The following PTPRO variants were observed in gnomAD, a reference collection of about 807,000 sequenced individuals.
PTPRO encodes the protein protein tyrosine phosphatase receptor type O.
In PTPRO, 62 loss-of-function variants were observed where a neutral mutation model predicts 145.2. That is an observed-to-expected ratio of 0.43 (90% CI 0.35 to 0.53). The LOEUF (loss-of-function observed/expected upper bound fraction) is 0.53. Ranked by LOEUF, PTPRO falls within the 20% of genes least tolerant of loss-of-function variation. PTPRO has a pLI of 0.01. For synonymous variants in PTPRO, 565 were observed against 514.7 expected (o/e 1.10, Z -1.32); for missense variants, 1,345 against 1,482.7 (o/e 0.91, Z 1.53).
intron 1 of PTPRO, among the ~76,000 whole-genome samples, chr12:15,323,502 T>C (rs1440482442): frequency 6.6e-6 from 1 of 152,214 alleles, no homozygotes; most frequent in Non-Finnish European, 1.5e-5. Context: ...AGGTTTTACT[T>C]TGAGAAAAAT....
In PTPRO at chr12:15,482,862, T is replaced by C. The variant is rs253845; in HGVS notation, c.76-1112T>C. Among the ~76,000 whole-genome samples, 283 of 152,210 alleles carry C rather than the reference T, an allele frequency of 1.9e-3. 1 individual carries two copies. The highest frequency in any genetic ancestry group is 6.5e-3 in the African/African-American group (270 of 41,542). The stretch of plus-strand genomic sequence containing the variant: ...GAAGACAAATGAACATGTGGAACAA[T>C]AATGAGACTGATTTTTTGTACTGGT... On this transcript the variant is annotated intron_variant, in intron 1 of 26. Coordinates refer to ENST00000281171, the MANE Select transcript of PTPRO (RefSeq NM_030667.3).
intron 11 of PTPRO, 138 bp from the exon 12 acceptor site, chr12:15,526,004 G>A (rs926002302): frequency 4.5e-5 from 51 of 1,125,452 alleles, no homozygotes; most frequent in Admixed American, 1.0e-4. Flanking sequence ...AAGATATAAC[G>A]TATCTATAAT....
In PTPRO at chr12:15,465,466, G is replaced by T. The variant is rs560224213; in HGVS notation, c.76-18508G>T. On this transcript the variant is annotated intron_variant, in intron 1 of 26. Transcript: ENST00000281171. ...GGGACAGAAGAATTTTAGTAAAGGA[G>T]AAGAGACATTTAAAATTACTTCTAC... is the stretch of plus-strand genomic sequence containing the variant. 2.6e-5 allele frequency among the ~76,000 whole-genome samples: 4 copies of T among 152,318 alleles called. No individual in the cohort carries two copies. The East Asian group carries it at 7.7e-4, about 29-fold the overall frequency.
chr12:15,538,202 CAACTGCCCAGAGGCA>C (rs1943104958), intron 12 of PTPRO, among the ~76,000 whole-genome samples: 1 of 151,096 alleles, frequency 6.6e-6, no homozygotes, highest in South Asian at 2.1e-4. Context: ...CATGGTTTGT[CAACTGCCCAGAGGCA>C]TACCAAACCA....
At chr12:15,487,331 T>C (rs1262073775) in intron 2 of PTPRO, among the ~76,000 whole-genome samples, 1 of 152,134 alleles carries the variant, frequency 6.6e-6, no homozygotes, top group Non-Finnish European at 1.5e-5. Flanking sequence ...TACTCTACTT[T>C]GTATTAGTGC....
chr12:15,349,260 A>G (rs534632019), intron 1 of PTPRO, among the ~76,000 whole-genome samples: 2 of 152,314 alleles, frequency 1.3e-5, no homozygotes, highest in South Asian at 4.1e-4. Context: ...TAGTTTTCCA[A>G]TTGGCTAGAT....
chr12:15,371,394 G>T (rs1938526669), intron 1 of PTPRO, among the ~76,000 whole-genome samples: 1 of 152,052 alleles, frequency 6.6e-6, no homozygotes, highest in Non-Finnish European at 1.5e-5. Context: ...ACCACGCCAG[G>T]CTAATATTTT....
At chr12:15,583,720 A>C (rs1377225869) in intron 23 of PTPRO, among the ~76,000 whole-genome samples, 1 of 152,146 alleles carries the variant, frequency 6.6e-6, no homozygotes. Context: ...CTCTTTGCAG[A>C]AAATGTTTGC....
At chr12:15,528,171 G>A (rs2136532282) in intron 12 of PTPRO, among the ~76,000 whole-genome samples, 1 of 151,756 alleles carries the variant, frequency 6.6e-6, no homozygotes, top group African/African-American at 2.4e-5. Flanking sequence ...CACCATTGGA[G>A]GAGAAAAAAG....
intron 1 of PTPRO, among the ~76,000 whole-genome samples, chr12:15,392,578 G>A (rs188323119): frequency 2.0e-4 from 31 of 151,962 alleles, no homozygotes; most frequent in Admixed American, 1.4e-3. Context: ...AAAATTAGCC[G>A]GGCATAGTGG....
intron 25 of PTPRO, among the ~76,000 whole-genome samples, chr12:15,594,620 T>C (rs1200362493): frequency 6.6e-6 from 1 of 152,008 alleles, no homozygotes; most frequent in Admixed American, 6.6e-5. Flanking sequence ...GTGGTAATCA[T>C]TTCATAACAT....
chr12:15,504,164 C>A, intron 6 of PTPRO, 95 bp downstream of exon 6: 3 of 1,350,310 alleles, frequency 2.2e-6, no homozygotes. Context: ...ATTCACAAAC[C>A]TTAGGGATGA....
At chr12:15,456,850 A>G (rs166201) in intron 1 of PTPRO, among the ~76,000 whole-genome samples, 138,547 of 152,120 alleles carry the variant, frequency 0.91, 64,278 homozygotes, top group East Asian at 1. Flanking sequence ...TCTTTTTTCC[A>G]CAGTTATACT....
rs1591791820 is a variant in PTPRO, at chr12:15,415,528, GCACC to G, written c.76-68445_76-68442del. On this transcript the variant is annotated intron_variant, in intron 1 of 26. Coordinates refer to ENST00000281171, the MANE Select transcript of PTPRO (RefSeq NM_030667.3). ...GCCTCCCGAGTAGCTGGGACTACAGGCACCTGCCACCACACCCGGCTAATTTTTT... is the reference window on the plus strand; with the variant it reads ...GCCTCCCGAGTAGCTGGGACTACAGGTGCCACCACACCCGGCTAATTTTTT... Among the ~76,000 whole-genome samples the G allele has an allele frequency of 9.9e-5, 15 of 152,010 alleles. 1 individual carries two copies. In the East Asian group the frequency reaches 2.5e-3, roughly 26 times the overall value.
At chr12:15,536,786 AT>A (rs1440198979) in intron 12 of PTPRO, among the ~76,000 whole-genome samples, 3 of 152,162 alleles carry the variant, frequency 2.0e-5, no homozygotes, top group Non-Finnish European at 4.4e-5. Context: ...CCTCTTTAGG[AT>A]TTGGGGCAAG....
intron 1 of PTPRO, among the ~76,000 whole-genome samples, chr12:15,424,576 G>A (rs1003791572): frequency 1.3e-5 from 2 of 151,976 alleles, no homozygotes; most frequent in African/African-American, 4.8e-5. Context: ...ATGATTAAAC[G>A]AATCAGGAGA....
chr12:15,440,167 G>A, intron 1 of PTPRO: 1 of 683,946 alleles, frequency 1.5e-6, no homozygotes, highest in Non-Finnish European at 2.6e-6. Context: ...AGCTGCTCAT[G>A]ATGGCTGGTA....
At chr12:15,588,140 T>A (rs1406162279) in intron 24 of PTPRO, among the ~76,000 whole-genome samples, 2 of 152,224 alleles carry the variant, frequency 1.3e-5, no homozygotes, top group Middle Eastern at 3.2e-3. Context: ...GCTCTTCAAC[T>A]CTGGGGTCAA....
chr12:15,513,860 G>A (rs1380266599), intron 7 of PTPRO, among the ~76,000 whole-genome samples: 1 of 152,098 alleles, frequency 6.6e-6, no homozygotes, highest in South Asian at 2.1e-4. Flanking sequence ...TAGCAATGAA[G>A]TAACCAAGGT....
Sources: allele counts gnomAD v4.1 joint callset (sites outside exome capture counted in the v4.1 genomes callset), GRCh38; gene constraint gnomAD v4.1.1; transcripts MANE v1.5; gene names NCBI Gene and HGNC (gene_info 2026-07-23, HGNC 2026-07-21).